TNRC6A: variants seen among roughly 807,000 people sequenced by gnomAD.
TNRC6A encodes trinucleotide repeat-containing gene 6A protein.
In TNRC6A, 44 loss-of-function variants were observed where a neutral mutation model predicts 221.2. The ratio of observed to expected loss-of-function variants is 0.20; its 90% confidence interval spans 0.16 to 0.26. The LOEUF is 0.26. Among genes scored for constraint, TNRC6A ranks in the 10% least tolerant of loss-of-function variants. The pLI is 1.00. For missense variants in TNRC6A, 2,199 were observed against 2,404.4 expected (o/e 0.91, Z 1.79); for synonymous variants, 847 against 838.5 (o/e 1.01, Z -0.18).
chr16:24,745,795 T>TTCCC (rs2056994145), intron 2 of TNRC6A, among the ~76,000 whole-genome samples: 4 of 118,524 alleles, frequency 3.4e-5, no homozygotes, highest in African/African-American at 1.0e-4. Context: ...GTATGTACCA[T>TTCCC]CCCCCCCCCC....
intron 2 of TNRC6A, among the ~76,000 whole-genome samples, chr16:24,679,791 T>C (rs1290592275): frequency 6.6e-6 from 1 of 152,008 alleles, no homozygotes; most frequent in Non-Finnish European, 1.5e-5. Flanking sequence ...TATTTTTTTT[T>C]AGAGACAAGG....
At chr16:24,780,506 T>C (rs186859724) in intron 5 of TNRC6A, among the ~76,000 whole-genome samples, 5 of 152,342 alleles carry the variant, frequency 3.3e-5, no homozygotes, top group Admixed American at 2.0e-4. Flanking sequence ...TGCTTGCTTG[T>C]TTGTTCACAG....
At chr16:24,686,875 T>G (rs2055638127) in intron 2 of TNRC6A, among the ~76,000 whole-genome samples, 1 of 152,176 alleles carries the variant, frequency 6.6e-6, no homozygotes, top group African/African-American at 2.4e-5. Context: ...TATTCTCATC[T>G]GTAAAATGGG....
At chr16:24,794,504 T>A (rs1812758547) in intron 7 of TNRC6A, 40 bp from the exon 8 acceptor site, 1 of 1,576,294 alleles carries the variant, frequency 6.3e-7, no homozygotes, top group African/African-American at 1.4e-5. Context: ...AATTCTTTTA[T>A]TAAAGTATGT....
intron 1 of TNRC6A, among the ~76,000 whole-genome samples, chr16:24,629,613 AACT>A (rs2141665815): frequency 6.6e-6 from 1 of 152,258 alleles, no homozygotes; most frequent in South Asian, 2.1e-4. Context: ...TTTCCCAGGT[AACT>A]ATTATTTTGG....
intron 11 of TNRC6A, among the ~76,000 whole-genome samples, chr16:24,799,219 GA>G (rs899853959): frequency 6.6e-6 from 1 of 152,060 alleles, no homozygotes; most frequent in South Asian, 2.1e-4. Context: ...GCTGGCGAAG[GA>G]AAAAAACCTA....
intron 2 of TNRC6A, among the ~76,000 whole-genome samples, chr16:24,660,504 T>G (rs899268982): frequency 2.6e-5 from 4 of 152,226 alleles, no homozygotes; most frequent in African/African-American, 9.6e-5. Flanking sequence ...TTGGGTTGAT[T>G]CCACATTTTT....
At chr16:24,722,862 A>T (rs568582533) in intron 2 of TNRC6A, among the ~76,000 whole-genome samples, 1 of 152,308 alleles carries the variant, frequency 6.6e-6, no homozygotes, top group Admixed American at 6.5e-5. Context: ...GAAGACAAAG[A>T]AAGCAGATTA....
intron 2 of TNRC6A, among the ~76,000 whole-genome samples, chr16:24,655,747 G>A (rs2054898617): frequency 6.6e-6 from 1 of 151,980 alleles, no homozygotes; most frequent in Admixed American, 6.6e-5. Flanking sequence ...CTAAAATTGA[G>A]CTAAAGATTA....
intron 3 of TNRC6A, among the ~76,000 whole-genome samples, chr16:24,757,614 A>G (rs894032460): frequency 1.3e-5 from 2 of 152,248 alleles, no homozygotes; most frequent in South Asian, 2.1e-4. Flanking sequence ...AGTCACCTCG[A>G]GTTAACCCTG....
At chr16:24,624,622 G>T (rs1014491179) in intron 1 of TNRC6A, among the ~76,000 whole-genome samples, 1 of 151,964 alleles carries the variant, frequency 6.6e-6, no homozygotes, top group South Asian at 2.1e-4. Flanking sequence ...GGAACCACAG[G>T]CACACATCAC....
intron 2 of TNRC6A, among the ~76,000 whole-genome samples, chr16:24,656,591 A>G (rs966348671): frequency 3.1e-4 from 47 of 152,304 alleles, no homozygotes; most frequent in African/African-American, 1.1e-3. Context: ...TTCCAAAGGC[A>G]GAAATTGCAC....
chr16:24,724,750 T>TAATA (rs1029179172), upstream of TNRC6A, among the ~76,000 whole-genome samples: 1 of 152,026 alleles, frequency 6.6e-6, no homozygotes, highest in African/African-American at 2.4e-5. Flanking sequence ...TTAAAATAAA[T>TAATA]AATAAATAAA....
intron 11 of TNRC6A, among the ~76,000 whole-genome samples, chr16:24,802,667 G>T (rs1406554007): frequency 6.6e-6 from 1 of 152,232 alleles, no homozygotes. Context: ...TCACTTGAAT[G>T]GGAGTGACTG....
chr16:24,820,705 AG>A, intron 22 of TNRC6A, among the ~76,000 whole-genome samples: 1 of 152,346 alleles, frequency 6.6e-6, no homozygotes, highest in East Asian at 1.9e-4. Context: ...CTTGAAGACT[AG>A]GGGGGTAGCT....
At chr16:24,745,444 TCTG>T (rs2056984461) in intron 2 of TNRC6A, among the ~76,000 whole-genome samples, 1 of 152,152 alleles carries the variant, frequency 6.6e-6, no homozygotes, top group Non-Finnish European at 1.5e-5. Context: ...GAAGGTGGGA[TCTG>T]CATGGGAGAA....
At chr16:24,718,867 T>A (rs2056361181) in intron 2 of TNRC6A, among the ~76,000 whole-genome samples, 1 of 151,772 alleles carries the variant, frequency 6.6e-6, no homozygotes, top group Admixed American at 6.6e-5. Context: ...TGAAACTGCG[T>A]CTCTACTAAA....
intron 2 of TNRC6A, among the ~76,000 whole-genome samples, chr16:24,711,353 A>T (rs1314390040): frequency 6.6e-6 from 1 of 152,074 alleles, no homozygotes; most frequent in Non-Finnish European, 1.5e-5. Context: ...CACATATTTA[A>T]AGTGTGTAAT....
intron 4 of TNRC6A, among the ~76,000 whole-genome samples, chr16:24,772,725 G>A (rs1407186605): frequency 3.9e-5 from 6 of 152,094 alleles, no homozygotes; most frequent in Non-Finnish European, 7.4e-5. Flanking sequence ...GGAGGTTGCA[G>A]TAAGCCAAGA....
Sources: gnomAD v4.1 joint callset for allele counts (sites outside exome capture counted in the v4.1 genomes callset) on GRCh38, gnomAD v4.1.1 for gene constraint, MANE v1.5 for transcripts, NCBI Gene and HGNC (gene_info 2026-07-23, HGNC 2026-07-21) for gene names.